Variants in PRH1 observed in about 807,000 individuals in gnomAD.
The protein encoded by PRH1 is salivary acidic proline-rich phosphoprotein 1/2.
In PRH1, 7 loss-of-function variants were observed where a neutral mutation model predicts 7.9. The ratio of observed to expected loss-of-function variants is 0.89; its 90% CI spans 0.50 to 1.67. PRH1 has a LOEUF of 1.67. Ranked by LOEUF, PRH1 falls within the 40% of genes most tolerant of loss-of-function variation. The pLI is 0.00. For synonymous variants in PRH1, 45 were observed against 80.8 expected (o/e 0.56, Z 2.38); for missense variants, 109 against 223.6 (o/e 0.49, Z 3.27).
rs1262582333 is a variant in PRH1 at position 11,081,849 on chromosome 12, A to G, written n.124-34661T>C. Reference sequence around the variant, plus strand: ...ACTTCTCTTTGATTTATTTAGCCCTAACATCCTTACTTTATAAATAAGAGC... The same window carrying G: ...ACTTCTCTTTGATTTATTTAGCCCTGACATCCTTACTTTATAAATAAGAGC... On this transcript the variant is annotated intron_variant and non_coding_transcript_variant, in intron 1 of 4. Coordinates refer to the PRH1 transcript ENST00000541977. 4.2e-5 allele frequency among the ~76,000 whole-genome samples: 5 copies of G among 117,910 alleles called. 1 individual carries two copies. Among genetic ancestry groups the G allele is most frequent in the Non-Finnish European group, 8.1e-5 (4 of 49,582 alleles). The allele number at this position is 117,910 out of a possible 152,430, so 77.4% of individuals were successfully genotyped here.
chr12:10,927,672 A>G (rs1950142084), intron 2 of PRH1, among the ~76,000 whole-genome samples: 1 of 152,198 alleles, frequency 6.6e-6, no homozygotes, highest in South Asian at 2.1e-4. Flanking sequence ...AGACCCTCGT[A>G]TGCACAGTAC....
At chr12:11,061,668 C>A (rs1422209691) in intron 1 of PRH1, 1 of 1,614,116 alleles carries the variant, frequency 6.2e-7, no homozygotes, top group Non-Finnish European at 8.5e-7. Flanking sequence ...CATGGAGCTG[C>A]ATCTTTTTGA....
At chr12:10,965,465 AT>A (rs562279869) in intron 2 of PRH1, 207 of 420,180 alleles carry the variant, frequency 4.9e-4, no homozygotes, top group African/African-American at 3.9e-3. Flanking sequence ...GTGCAGTAAC[AT>A]TCTTTTTACT....
At chr12:11,064,185 T>C (rs1311693784) in intron 1 of PRH1, among the ~76,000 whole-genome samples, 3 of 152,150 alleles carry the variant, frequency 2.0e-5, no homozygotes, top group African/African-American at 7.2e-5. Context: ...ATTTCCTTAA[T>C]TTTCTTTACA....
At chr12:10,925,264 G>A (rs765005211) in intron 2 of PRH1, among the ~76,000 whole-genome samples, 6 of 152,062 alleles carry the variant, frequency 3.9e-5, no homozygotes, top group Non-Finnish European at 8.8e-5. Context: ...CAATGACCCG[G>A]ACCTGTTTTG....
At chr12:11,089,386 A>G (rs1371145353) in intron 1 of PRH1, among the ~76,000 whole-genome samples, 1 of 115,846 alleles carries the variant, frequency 8.6e-6, no homozygotes, top group Non-Finnish European at 2.0e-5. Context: ...TCCACGGACT[A>G]ATGCCAGCTG....
intron 1 of PRH1, chr12:10,985,828 C>A (rs1591767789): frequency 1.9e-6 from 2 of 1,034,794 alleles, no homozygotes; most frequent in East Asian, 2.4e-5. Context: ...AGAAAATACT[C>A]AAAAACATAC....
intron 1 of PRH1, among the ~76,000 whole-genome samples, chr12:11,136,226 G>C (rs1326781201): frequency 6.6e-6 from 1 of 152,128 alleles, no homozygotes; most frequent in Non-Finnish European, 1.5e-5. Flanking sequence ...ACTCTGTGTA[G>C]GTGCATTCCT....
At chr12:11,093,278 A>C (rs578032232) in intron 1 of PRH1, among the ~76,000 whole-genome samples, 1 of 116,262 alleles carries the variant, frequency 8.6e-6, no homozygotes, top group African/African-American at 2.9e-5. Context: ...GCTTTTATCA[A>C]AGGCATCTCA....
chr12:10,915,061 G>A (rs560931586), intron 2 of PRH1, among the ~76,000 whole-genome samples: 226 of 152,294 alleles, frequency 1.5e-3, no homozygotes, highest in African/African-American at 5.1e-3. Flanking sequence ...CCAGGAGGCA[G>A]AGCTTGCAGT....
At chr12:10,955,094 C>A (rs1565497228) in intron 2 of PRH1, among the ~76,000 whole-genome samples, 3 of 152,084 alleles carry the variant, frequency 2.0e-5, no homozygotes, top group African/African-American at 7.2e-5. Flanking sequence ...TAATAGACAT[C>A]CACAAAACAG....
chr12:11,092,242 A>C (rs1372447601), intron 1 of PRH1: 1 of 1,258,668 alleles, frequency 7.9e-7, no homozygotes, highest in Admixed American at 2.1e-5. Flanking sequence ...CTGAACAGAC[A>C]AAAAAAATTT....
intron 2 of PRH1, among the ~76,000 whole-genome samples, chr12:10,948,931 C>T (rs1460299789): frequency 6.6e-6 from 1 of 152,106 alleles, no homozygotes; most frequent in African/African-American, 2.4e-5. Flanking sequence ...GCAGGTGACA[C>T]TTATGCTTAT....
chr12:11,062,252 C>G (rs774770069), intron 1 of PRH1: 1 of 1,612,984 alleles, frequency 6.2e-7, no homozygotes, highest in Non-Finnish European at 8.5e-7. Flanking sequence ...ACAAATGTAA[C>G]CACTATTAGA....
At chr12:11,134,314 C>G in intron 1 of PRH1, 1 of 1,358,682 alleles carries the variant, frequency 7.4e-7, no homozygotes, top group East Asian at 2.5e-5. Context: ...CTTGAATATC[C>G]TGACCTTAAA....
chr12:11,157,659 A>C (rs1947293547), intron 1 of PRH1, among the ~76,000 whole-genome samples: 1 of 152,266 alleles, frequency 6.6e-6, no homozygotes, highest in African/African-American at 2.4e-5. Context: ...AAATACACTC[A>C]ACTTCTAACT....
At position 11,086,949 on chromosome 12, in the gene PRH1, A is replaced by G. The variant is rs1216584241; in HGVS notation, n.124-39761T>C. On this transcript the variant is annotated intron_variant and non_coding_transcript_variant, in intron 1 of 4. Transcript: ENST00000541977. Reference sequence around the variant, plus strand: ...ACCACCAACAAAGGGCGATGAAAATACAACTGTCTTTGGTTAATTTTGTTA... The same window carrying G: ...ACCACCAACAAAGGGCGATGAAAATGCAACTGTCTTTGGTTAATTTTGTTA... 1.7e-5 allele frequency among the ~76,000 whole-genome samples: 2 copies of G among 116,388 alleles called. 1 individual carries two copies. The highest frequency in any genetic ancestry group is 4.1e-5 in the Non-Finnish European group (2 of 49,006). 76.4% of individuals were successfully genotyped at this position (116,388 alleles called of 152,430 possible). A position where few individuals can be genotyped will look rare whatever the true frequency, so the allele number is the denominator to read the frequency against.
chr12:11,105,052 C>T (rs1945370088), intron 1 of PRH1, among the ~76,000 whole-genome samples: 1 of 151,554 alleles, frequency 6.6e-6, no homozygotes, highest in Non-Finnish European at 1.5e-5. Flanking sequence ...ATTTCAAATA[C>T]TCTTGTTATA....
chr12:11,035,840 T>C (rs1463256720), intron 1 of PRH1, among the ~76,000 whole-genome samples: 1 of 152,126 alleles, frequency 6.6e-6, no homozygotes, highest in Non-Finnish European at 1.5e-5. Flanking sequence ...ATAGAGCATC[T>C]CAACCACAGC....
Sources: allele counts gnomAD v4.1 joint callset (sites outside exome capture counted in the v4.1 genomes callset), GRCh38; gene constraint gnomAD v4.1.1; transcripts MANE v1.5; gene names NCBI Gene and HGNC (gene_info 2026-07-23, HGNC 2026-07-21).